Variants in SYT1 observed in about 807,000 individuals in gnomAD.
The protein encoded by SYT1 is synaptotagmin 1, also known as synaptotagmin-1.
Under a neutral mutation model 44.8 loss-of-function variants are expected in SYT1, and 8 were observed. The observed-to-expected ratio is 0.18, with a 90% CI of 0.10 to 0.32. The LOEUF (loss-of-function observed/expected upper bound fraction) is 0.32. SYT1 is among the 10% of genes least tolerant of loss of function. The probability of loss-of-function intolerance (pLI) is 1.00; values close to 1 mark genes in which losing one functional copy is unlikely to be tolerated. For missense variants in SYT1, 286 were observed against 509.3 expected (o/e 0.56, Z 4.22); for synonymous variants, 154 against 188.8 (o/e 0.82, Z 1.51).
chr12:79,024,478 G>A (rs943151877), intron 2 of SYT1, among the ~76,000 whole-genome samples: 2 of 151,694 alleles, frequency 1.3e-5, no homozygotes, highest in Non-Finnish European at 2.9e-5. Flanking sequence ...TAACATTCTA[G>A]GGCTATAAAC....
At chr12:79,241,269 T>A (rs1876494683) in intron 4 of SYT1, among the ~76,000 whole-genome samples, 1 of 152,194 alleles carries the variant, frequency 6.6e-6, no homozygotes, top group African/African-American at 2.4e-5. Flanking sequence ...CAACTTTTTT[T>A]TTTTTTAATT....
chr12:79,213,469 A>G (rs1874587478), intron 3 of SYT1, among the ~76,000 whole-genome samples: 1 of 152,196 alleles, frequency 6.6e-6, no homozygotes, highest in Non-Finnish European at 1.5e-5. Context: ...TTCCTCACCT[A>G]TGAAATGGGT....
intron 3 of SYT1, among the ~76,000 whole-genome samples, chr12:79,139,408 T>C (rs1176016947): frequency 1.3e-5 from 2 of 152,206 alleles, no homozygotes; most frequent in Non-Finnish European, 2.9e-5. Context: ...TGATTTTTGA[T>C]GATGACATTG....
chr12:79,323,149 C>T (rs1043918167), intron 8 of SYT1, among the ~76,000 whole-genome samples: 1 of 151,622 alleles, frequency 6.6e-6, no homozygotes, highest in Admixed American at 6.6e-5. Context: ...TAATCTCTCC[C>T]TGCTTTTTTG....
At chr12:79,179,534 TATA>T (rs1565842539) in intron 3 of SYT1, among the ~76,000 whole-genome samples, 2 of 125,250 alleles carry the variant, frequency 1.6e-5, no homozygotes, top group Non-Finnish European at 3.2e-5. Context: ...TAGATATAGA[TATA>T]GATATAGAGA....
At chr12:78,873,724 T>G (rs1006183075) in intron 1 of SYT1, among the ~76,000 whole-genome samples, 2 of 151,682 alleles carry the variant, frequency 1.3e-5, no homozygotes, top group Non-Finnish European at 3.0e-5. Context: ...CACATAACAT[T>G]AGTGGAAGTT....
intron 9 of SYT1, among the ~76,000 whole-genome samples, chr12:79,430,435 G>A (rs552413623): frequency 6.6e-6 from 1 of 152,286 alleles, no homozygotes; most frequent in South Asian, 2.1e-4. Context: ...GTTCTTTGAA[G>A]AACAAATTGG....
intron 3 of SYT1, among the ~76,000 whole-genome samples, chr12:79,156,329 A>G (rs949734682): frequency 7.9e-5 from 12 of 152,094 alleles, no homozygotes; most frequent in Non-Finnish European, 1.3e-4. Flanking sequence ...GTACGGGTAA[A>G]TTATCTGTGT....
intron 8 of SYT1, among the ~76,000 whole-genome samples, chr12:79,315,709 C>T (rs1390953744): frequency 6.6e-6 from 1 of 152,106 alleles, no homozygotes; most frequent in African/African-American, 2.4e-5. Flanking sequence ...AATCACACTC[C>T]TTATTACCAT....
chr12:79,307,609 A>G (rs1288395607), intron 8 of SYT1, among the ~76,000 whole-genome samples: 1 of 79,346 alleles, frequency 1.3e-5, no homozygotes, highest in African/African-American at 4.7e-5. Context: ...GGATGGTCGG[A>G]AGGGCTGGGG....
At chr12:79,328,650 TC>T (rs1881714547) in intron 8 of SYT1, among the ~76,000 whole-genome samples, 1 of 151,996 alleles carries the variant, frequency 6.6e-6, no homozygotes, top group Admixed American at 6.6e-5. Flanking sequence ...ATCGAGACCA[TC>T]CTGGCTAACA....
intron 3 of SYT1, among the ~76,000 whole-genome samples, chr12:79,079,893 A>G (rs1876912849): frequency 6.6e-6 from 1 of 152,094 alleles, no homozygotes; most frequent in African/African-American, 2.4e-5. Context: ...TGACTCAAGG[A>G]TAATACTTTA....
chr12:78,951,965 A>G (rs1025090018), intron 1 of SYT1, among the ~76,000 whole-genome samples: 2 of 152,146 alleles, frequency 1.3e-5, no homozygotes, highest in African/African-American at 4.8e-5. Flanking sequence ...CTTAGTCGGC[A>G]TAGCATCTGG....
intron 3 of SYT1, among the ~76,000 whole-genome samples, chr12:79,106,906 T>C (rs1878749224): frequency 6.6e-6 from 1 of 152,058 alleles, no homozygotes; most frequent in Non-Finnish European, 1.5e-5. Flanking sequence ...AATCAGCAAA[T>C]ATAAATAAAA....
intron 3 of SYT1, among the ~76,000 whole-genome samples, chr12:79,124,986 A>AT (rs879876298): frequency 1.7e-3 from 252 of 149,728 alleles, no homozygotes; most frequent in African/African-American, 5.8e-3. Flanking sequence ...GGAATGTCAA[A>AT]TTTTTTTTTT....
chr12:79,179,084 A>T (rs1317081317), intron 3 of SYT1, among the ~76,000 whole-genome samples: 4 of 126,832 alleles, frequency 3.2e-5, no homozygotes, highest in African/African-American at 1.3e-4. Context: ...AGATATAGAT[A>T]TAGATATATA....
chr12:79,294,652 GC>G (rs1476845786), intron 6 of SYT1, among the ~76,000 whole-genome samples: 1 of 151,886 alleles, frequency 6.6e-6, no homozygotes, highest in East Asian at 1.9e-4. Context: ...CATTTTTTCT[GC>G]TCAAAAGAAA....
chr12:79,224,751 T>TTATTA (rs1875399034), intron 4 of SYT1, among the ~76,000 whole-genome samples: 5 of 24,032 alleles, frequency 2.1e-4, no homozygotes, highest in East Asian at 1.2e-3. Flanking sequence ...TTATTTATTT[T>TTATTA]TTATTATTAT....
At chr12:79,264,920 A>G (rs761478270) in intron 4 of SYT1, among the ~76,000 whole-genome samples, 1 of 152,196 alleles carries the variant, frequency 6.6e-6, no homozygotes, top group Non-Finnish European at 1.5e-5. Flanking sequence ...TTCAACAGCA[A>G]TCTTTACTTT....
Sources: allele counts gnomAD v4.1 joint callset (sites outside exome capture counted in the v4.1 genomes callset), GRCh38; gene constraint gnomAD v4.1.1; transcripts MANE v1.5; gene names NCBI Gene and HGNC (gene_info 2026-07-23, HGNC 2026-07-21).